MAGI2: variants seen among roughly 807,000 people sequenced by gnomAD.
MAGI2 encodes membrane-associated guanylate kinase, WW and PDZ domain-containing protein 2.
Under a neutral mutation model 133.3 loss-of-function variants are expected in MAGI2, and 35 were observed. The observed-to-expected ratio is 0.26, with a 90% CI of 0.20 to 0.35. MAGI2 has a LOEUF of 0.35. MAGI2 is among the 10% of genes least tolerant of loss of function. MAGI2 has a pLI of 1.00. For missense variants in MAGI2, 1,636 were observed against 1,863.4 expected (o/e 0.88, Z 2.25); for synonymous variants, 729 against 710.6 (o/e 1.03, Z -0.41).
chr7:78,189,302 T>C (rs900873377), intron 12 of MAGI2, among the ~76,000 whole-genome samples: 4 of 152,180 alleles, frequency 2.6e-5, no homozygotes, highest in Admixed American at 1.3e-4. Context: ...ATTTCATATA[T>C]AGTACTAAAA....
At chr7:79,437,805 A>G (rs1029058487) in intron 1 of MAGI2, among the ~76,000 whole-genome samples, 7 of 152,124 alleles carry the variant, frequency 4.6e-5, no homozygotes, top group African/African-American at 1.7e-4. Context: ...TTTGTATCTG[A>G]CTTGCTAATA....
intron 1 of MAGI2, among the ~76,000 whole-genome samples, chr7:79,321,666 A>G (rs1047209718): frequency 2.0e-5 from 3 of 152,218 alleles, no homozygotes; most frequent in Non-Finnish European, 4.4e-5. Context: ...CAAATTAGCT[A>G]CAATGCTTAT....
chr7:79,127,839 A>G (rs187334319), intron 1 of MAGI2, among the ~76,000 whole-genome samples: 1,792 of 152,260 alleles, frequency 0.012, 28 homozygotes, highest in African/African-American at 0.039. Context: ...TTGTGTTGCC[A>G]TTGCTTTTGG....
At chr7:79,028,300 T>C (rs1208407507) in intron 1 of MAGI2, among the ~76,000 whole-genome samples, 64 of 43,194 alleles carry the variant, frequency 1.5e-3, no homozygotes, top group Non-Finnish European at 2.7e-3. Context: ...TATGTGTGTA[T>C]ATATATATAT....
chr7:78,119,557 CAAAA>C (rs1166809821), intron 20 of MAGI2, among the ~76,000 whole-genome samples: 1 of 48,916 alleles, frequency 2.0e-5, no homozygotes, highest in Non-Finnish European at 3.6e-5. Context: ...TGAGACTCCT[CAAAA>C]AAAAAAAAAA....
At chr7:78,058,591 C>G (rs1812903132) in intron 21 of MAGI2, among the ~76,000 whole-genome samples, 1 of 151,932 alleles carries the variant, frequency 6.6e-6, no homozygotes, top group Non-Finnish European at 1.5e-5. Flanking sequence ...CTTGCCTCAG[C>G]CTCCTGGGTA....
intron 1 of MAGI2, among the ~76,000 whole-genome samples, chr7:79,449,877 C>CATATACATATATAT (rs1472820472): frequency 8.3e-6 from 1 of 120,618 alleles, no homozygotes; most frequent in African/African-American, 3.0e-5. Context: ...GAGATATATA[C>CATATACATATATAT]ATATATATAT....
At chr7:78,283,007 ATTTCC>A (rs1795782075) in intron 9 of MAGI2, among the ~76,000 whole-genome samples, 1 of 151,984 alleles carries the variant, frequency 6.6e-6, no homozygotes, top group South Asian at 2.1e-4. Flanking sequence ...TATGACCTGG[ATTTCC>A]TTTCATTTAT....
intron 10 of MAGI2, among the ~76,000 whole-genome samples, chr7:78,250,584 C>T (rs1415013938): frequency 1.3e-5 from 2 of 151,838 alleles, no homozygotes; most frequent in Non-Finnish European, 2.9e-5. Context: ...TCAGCAATTT[C>T]AAAAGTTAGT....
chr7:78,355,813 C>T (rs936268149), intron 7 of MAGI2, among the ~76,000 whole-genome samples: 3 of 152,246 alleles, frequency 2.0e-5, no homozygotes, highest in African/African-American at 4.8e-5. Flanking sequence ...TTGTGAACTA[C>T]CTGCTTACTT....
intron 2 of MAGI2, among the ~76,000 whole-genome samples, chr7:78,695,936 T>C (rs1428451907): frequency 6.6e-6 from 1 of 152,096 alleles, no homozygotes; most frequent in Non-Finnish European, 1.5e-5. Context: ...AGTTCATTTT[T>C]TTTTTCTTTT....
intron 1 of MAGI2, among the ~76,000 whole-genome samples, chr7:79,090,425 G>A (rs565449232): frequency 2.3e-4 from 35 of 152,032 alleles, no homozygotes; most frequent in Non-Finnish European, 4.1e-4. Context: ...TTTAAGAAAA[G>A]ATGGATCCTG....
intron 6 of MAGI2, among the ~76,000 whole-genome samples, chr7:78,431,674 T>G (rs1799808210): frequency 6.6e-6 from 1 of 152,110 alleles, no homozygotes; most frequent in South Asian, 2.1e-4. Flanking sequence ...ACCCAGAGAC[T>G]TTCAGCATGT....
At chr7:78,278,591 T>C (rs1795268319) in intron 9 of MAGI2, among the ~76,000 whole-genome samples, 2 of 152,162 alleles carry the variant, frequency 1.3e-5, no homozygotes, top group Non-Finnish European at 2.9e-5. Context: ...CTAATCTCGA[T>C]GTTGCTTGGT....
intron 6 of MAGI2, chr7:78,484,800 T>G (rs1312135120): frequency 2.0e-5 from 3 of 151,946 alleles, no homozygotes; most frequent in Non-Finnish European, 4.4e-5. Context: ...TTCCAACATG[T>G]GAAGGTAAAT....
chr7:78,138,930 A>G (rs1315630882), intron 16 of MAGI2, among the ~76,000 whole-genome samples: 2 of 152,212 alleles, frequency 1.3e-5, no homozygotes, highest in Non-Finnish European at 2.9e-5. Flanking sequence ...ACGAAGAGCA[A>G]GCGAATGACT....
At chr7:78,889,104 T>A (rs1642898) in intron 2 of MAGI2, among the ~76,000 whole-genome samples, 3 of 152,016 alleles carry the variant, frequency 2.0e-5, no homozygotes, top group Non-Finnish European at 4.4e-5. Flanking sequence ...GTAGCCAATG[T>A]GATCAACTGG....
intron 7 of MAGI2, among the ~76,000 whole-genome samples, chr7:78,362,191 A>G (rs1027521513): frequency 1.3e-5 from 2 of 152,040 alleles, no homozygotes; most frequent in African/African-American, 2.4e-5. Flanking sequence ...AATCCCAGCT[A>G]CTCGGGAGGC....
intron 20 of MAGI2, among the ~76,000 whole-genome samples, chr7:78,122,141 G>C (rs189565820): frequency 6.6e-6 from 1 of 152,302 alleles, no homozygotes; most frequent in Non-Finnish European, 1.5e-5. Context: ...GGGCTGGAGA[G>C]TAGGAGGAGA....
Sources: gnomAD v4.1 joint callset for allele counts (sites outside exome capture counted in the v4.1 genomes callset) on GRCh38, gnomAD v4.1.1 for gene constraint, MANE v1.5 for transcripts, NCBI Gene and HGNC (gene_info 2026-07-23, HGNC 2026-07-21) for gene names.